The following ZMIZ1 variants were observed in gnomAD, a reference collection of about 807,000 sequenced individuals.
The protein encoded by ZMIZ1 is zinc finger MIZ domain-containing protein 1.
A neutral mutation model predicts 113.9 loss-of-function variants in ZMIZ1; 17 were observed. The ratio of observed to expected loss-of-function variants is 0.15; its 90% CI spans 0.10 to 0.22. The LOEUF is 0.22. Ranked by LOEUF, ZMIZ1 falls within the 10% of genes least tolerant of loss-of-function variation. The probability of loss-of-function intolerance (pLI) is 1.00; values close to 1 mark genes in which losing one functional copy is unlikely to be tolerated. For missense variants in ZMIZ1, 1,059 were observed against 1,477.8 expected, an observed-to-expected ratio of 0.72 and a Z score of 4.65; for synonymous variants, 607 against 603.1, an observed-to-expected ratio of 1.01 and a Z score of -0.09.
chr10:79,121,045 T>C (rs1181386547), intron 2 of ZMIZ1, among the ~76,000 whole-genome samples: 2 of 152,196 alleles, frequency 1.3e-5, no homozygotes, highest in Non-Finnish European at 2.9e-5. Flanking sequence ...TGAGAAGGCC[T>C]TACCAAGCAA....
chr10:79,082,717 C>T (rs11812481), intron 1 of ZMIZ1, among the ~76,000 whole-genome samples: 5,917 of 152,336 alleles, frequency 0.039, 177 homozygotes, highest in Middle Eastern at 0.068. Flanking sequence ...GAGTGAAGGA[C>T]GATGGGGGAC....
At position 79,156,970 on chromosome 10, in the gene ZMIZ1, T is replaced by C. The variant is rs141828781; in HGVS notation, c.-130-5083T>C. On this transcript the variant is annotated intron_variant, in intron 3 of 24. Transcript: ENST00000334512. ...ATAAACAGGCACCTAATTTTAATTA[T>C]GCAAGCGAAAAGAAACACCAGCATG... 1.5e-3 allele frequency among the ~76,000 whole-genome samples: 224 copies of C among 150,276 alleles called. 4 individuals are homozygous for C. The East Asian group carries it at 0.038, about 25-fold the overall frequency.
intron 1 of ZMIZ1, among the ~76,000 whole-genome samples, chr10:79,110,670 C>T (rs1205502801): frequency 6.6e-6 from 1 of 152,224 alleles, no homozygotes; most frequent in Non-Finnish European, 1.5e-5. Context: ...TTACCCCTGT[C>T]TCTTCTGAAC....
chr10:79,212,844 A>G (rs1286068700), intron 6 of ZMIZ1, among the ~76,000 whole-genome samples: 1 of 151,810 alleles, frequency 6.6e-6, no homozygotes, highest in Non-Finnish European at 1.5e-5. Flanking sequence ...GGTGTAAGCT[A>G]TCCTGCCTCA....
chr10:79,204,763 T>G (rs12262328), intron 5 of ZMIZ1, among the ~76,000 whole-genome samples: 1,754 of 152,152 alleles, frequency 0.012, 35 homozygotes, highest in African/African-American at 0.041. Flanking sequence ...TATGGGCAGA[T>G]AGTTAGATGG....
At chr10:79,258,393 A>G (rs1851049800) in intron 7 of ZMIZ1, among the ~76,000 whole-genome samples, 1 of 152,194 alleles carries the variant, frequency 6.6e-6, no homozygotes, top group Non-Finnish European at 1.5e-5. Context: ...TTAAAAGAAA[A>G]AAAAAGAAGA....
At chr10:79,265,071 C>T (rs1851508035) in intron 7 of ZMIZ1, among the ~76,000 whole-genome samples, 1 of 152,188 alleles carries the variant, frequency 6.6e-6, no homozygotes, top group Non-Finnish European at 1.5e-5. Context: ...GCCCTGACGG[C>T]TCTGAGGTTC....
intron 4 of ZMIZ1, among the ~76,000 whole-genome samples, chr10:79,176,224 G>T (rs1846864282): frequency 6.6e-6 from 1 of 152,024 alleles, no homozygotes; most frequent in African/African-American, 2.4e-5. Context: ...AGCGGGGAGA[G>T]CTCCCAGGCT....
chr10:79,130,200 T>C (rs1471781837), intron 2 of ZMIZ1, among the ~76,000 whole-genome samples: 1 of 152,186 alleles, frequency 6.6e-6, no homozygotes, highest in East Asian at 1.9e-4. Context: ...TTTCCAGCCC[T>C]CCCTGGCTTC....
chr10:79,104,266 A>AAGGCCTGGAGGAGG (rs1349537033), intron 1 of ZMIZ1, among the ~76,000 whole-genome samples: 1 of 152,116 alleles, frequency 6.6e-6, no homozygotes, highest in Non-Finnish European at 1.5e-5. Context: ...GGCGTGAGTA[A>AAGGCCTGGAGGAGG]AGGCCTGGAG....
chr10:79,298,525 A>G lies in ZMIZ1; in HGVS notation c.1611A>G (p.Lys537=). ...PPYLSPSQDV[K]PPFPPDIKPN... ...ACCTGTCCCCCAGCCAAGACGTCAAACCACCCTTCCCGCCTGACATCAAGC... is the reference window on the plus strand; with the variant it reads ...ACCTGTCCCCCAGCCAAGACGTCAAGCCACCCTTCCCGCCTGACATCAAGC... Residue 537 remains lysine, a synonymous_variant, in exon 15 of 25, where the codon AAA becomes AAG. Transcript: ENST00000334512. 6.2e-7 allele frequency: 1 copy of G among 1,601,680 alleles called. No individual in the cohort carries two copies. Among genetic ancestry groups the G allele is most frequent in the Non-Finnish European group, 8.5e-7 (1 of 1,174,618 alleles).
intron 7 of ZMIZ1, among the ~76,000 whole-genome samples, chr10:79,245,764 A>G (rs528536156): frequency 6.6e-6 from 1 of 152,342 alleles, no homozygotes; most frequent in South Asian, 2.1e-4. Flanking sequence ...TCAGTACAGT[A>G]GCCACTGGCC....
chr10:79,189,815 G>A (rs922917215), intron 4 of ZMIZ1, among the ~76,000 whole-genome samples: 10 of 152,234 alleles, frequency 6.6e-5, no homozygotes, highest in East Asian at 1.9e-4. Context: ...GCCAGGAAGC[G>A]TGTTTTCGGA....
At chr10:79,214,403 G>A (rs939529499) in intron 6 of ZMIZ1, among the ~76,000 whole-genome samples, 3 of 152,184 alleles carry the variant, frequency 2.0e-5, no homozygotes, top group Admixed American at 6.5e-5. Flanking sequence ...ACAGAGGGGC[G>A]CAGGGAGGGC....
intron 4 of ZMIZ1, among the ~76,000 whole-genome samples, chr10:79,183,085 C>T (rs892976941): frequency 4.6e-5 from 7 of 152,160 alleles, no homozygotes; most frequent in African/African-American, 7.2e-5. Context: ...GCACCCAATC[C>T]CAGGAGTGGA....
chr10:79,283,717 C>A (rs1456386496), intron 8 of ZMIZ1, among the ~76,000 whole-genome samples: 1 of 152,196 alleles, frequency 6.6e-6, no homozygotes, highest in Non-Finnish European at 1.5e-5. Flanking sequence ...GGCCAAGATG[C>A]AAAGGATTTT....
At chr10:79,073,841 G>GC (rs1564634778) in intron 1 of ZMIZ1, among the ~76,000 whole-genome samples, 1 of 152,102 alleles carries the variant, frequency 6.6e-6, no homozygotes, top group Non-Finnish European at 1.5e-5. Flanking sequence ...GTTGGGTCGG[G>GC]CCCGGCATGG....
intron 1 of ZMIZ1, among the ~76,000 whole-genome samples, chr10:79,102,756 G>T (rs1009175255): frequency 1.3e-5 from 2 of 152,214 alleles, no homozygotes; most frequent in Non-Finnish European, 2.9e-5. Flanking sequence ...CCTCTCCGCG[G>T]CTCAGTGCCC....
intron 1 of ZMIZ1, among the ~76,000 whole-genome samples, chr10:79,074,816 G>A (rs553726606): frequency 4.2e-4 from 64 of 152,332 alleles, no homozygotes; most frequent in African/African-American, 7.0e-4. Context: ...GGGAGCAGCC[G>A]GGCAGGCTGA....
Sources: allele counts gnomAD v4.1 joint callset (sites outside exome capture counted in the v4.1 genomes callset), GRCh38; gene constraint gnomAD v4.1.1; transcripts MANE v1.5; gene names NCBI Gene and HGNC (gene_info 2026-07-23, HGNC 2026-07-21).